Variants in USP54 observed in about 807,000 individuals in gnomAD.
The protein encoded by USP54 is ubiquitin carboxyl-terminal hydrolase 54.
In USP54, 87 loss-of-function variants were observed where a neutral mutation model predicts 170.5. The observed-to-expected ratio is 0.51, with a 90% CI of 0.43 to 0.61. The LOEUF (loss-of-function observed/expected upper bound fraction) is 0.61. Among genes scored for constraint, USP54 ranks in the 20% least tolerant of loss-of-function variants. The pLI is 0.00. For missense variants in USP54, 1,786 were observed against 2,047.8 expected, an observed-to-expected ratio of 0.87 and a Z score of 2.47; for synonymous variants, 655 against 742.8, an observed-to-expected ratio of 0.88 and a Z score of 1.92.
chr10:73,513,486 TAACCTA>T (rs1235045531), intron 20 of USP54: 1 of 151,428 alleles, frequency 6.6e-6, no homozygotes, highest in Non-Finnish European at 1.5e-5. Context: ...AAATTGTAAG[TAACCTA>T]AATATTCAAC....
intron 4 of USP54, among the ~76,000 whole-genome samples, chr10:73,552,232 G>A (rs1386430302): frequency 6.6e-6 from 1 of 152,092 alleles, no homozygotes; most frequent in East Asian, 1.9e-4. Context: ...GACCAATATG[G>A]TGAAATCCCG....
upstream of USP54, among the ~76,000 whole-genome samples, chr10:73,594,861 T>C (rs1357083180): frequency 2.0e-5 from 3 of 151,850 alleles, no homozygotes; most frequent in Non-Finnish European, 4.4e-5. Flanking sequence ...ATGAAGTAGA[T>C]GAAAAACAGG....
At chr10:73,544,698 C>A (rs959206343) in intron 5 of USP54, among the ~76,000 whole-genome samples, 1 of 151,986 alleles carries the variant, frequency 6.6e-6, no homozygotes, top group Admixed American at 6.6e-5. Flanking sequence ...ATGTATCACT[C>A]TCAAATTTTC....
upstream of USP54, chr10:73,591,391 G>C (rs1387891187): frequency 1.3e-5 from 2 of 152,142 alleles, no homozygotes; most frequent in African/African-American, 2.4e-5. Context: ...GGGGAGGGAA[G>C]GCTAGGAGGG....
intron 15 of USP54, among the ~76,000 whole-genome samples, chr10:73,527,755 T>C (rs2063181441): frequency 6.7e-6 from 1 of 149,014 alleles, no homozygotes; most frequent in African/African-American, 2.5e-5. Flanking sequence ...ATCTCAGTAC[T>C]CTGGGAGGCT....
At chr10:73,524,984 A>G (rs2062599871) in intron 16 of USP54, among the ~76,000 whole-genome samples, 1 of 152,208 alleles carries the variant, frequency 6.6e-6, no homozygotes, top group African/African-American at 2.4e-5. Context: ...AATTTGTAAA[A>G]TGTCCACAGC....
chr10:73,618,404 G>A lies in USP54; in HGVS notation c.-18+7163C>T, dbSNP rs1036007408. On this transcript the variant is annotated intron_variant, in intron 1 of 22. Transcript: ENST00000339859. ...AGCCTCCCAAGTAGCCAGGACTATAGGCGCATGCTGCCAGACCCAGCTAAT... is the reference window on the plus strand; with the variant it reads ...AGCCTCCCAAGTAGCCAGGACTATAAGCGCATGCTGCCAGACCCAGCTAAT... 6.0e-5 allele frequency among the ~76,000 whole-genome samples: 9 copies of A among 150,150 alleles called. 1 individual carries two copies. The highest frequency in any genetic ancestry group is 2.0e-4 in the African/African-American group (8 of 39,558).
rs776067684 is a variant in USP54, at chr10:73,504,880, CCTCT to C, written c.4277_4280del (p.Glu1426GlyfsTer16). ...TGTGGGAAGAAACCGGAGCTTCCTC[CCTCT>C]CTGAGACAACGGTGCCACTGAGACT... On this transcript the variant is annotated frameshift_variant, in exon 22 of 24. Transcript: ENST00000687698. LOFTEE classifies it high-confidence loss of function. 2.5e-6 allele frequency: 4 copies of C among 1,614,000 alleles called. No individual in the cohort carries two copies. Among genetic ancestry groups the C allele is most frequent in the Non-Finnish European group, 3.4e-6 (4 of 1,180,034 alleles).
intron 4 of USP54, among the ~76,000 whole-genome samples, chr10:73,558,906 G>A (rs2071982596): frequency 6.6e-6 from 1 of 151,978 alleles, no homozygotes; most frequent in South Asian, 2.1e-4. Flanking sequence ...CATATGTTAT[G>A]CATTTGTGAC....
At position 73,562,448 on chromosome 10, in the gene USP54, C is replaced by T. The variant is rs1436762761; in HGVS notation, c.240+8973G>A. On this transcript the variant is annotated intron_variant, in intron 4 of 23. Coordinates refer to ENST00000687698, the MANE Select transcript of USP54 (RefSeq NM_001391956.1). ...TCCTGAATTTTGTGAAAAGCACTTCCTTTTTCTCTACAGACTTATCACATG... is the reference window on the plus strand; with the variant it reads ...TCCTGAATTTTGTGAAAAGCACTTCTTTTTTCTCTACAGACTTATCACATG... 2.6e-5 allele frequency among the ~76,000 whole-genome samples: 4 copies of T among 152,284 alleles called. No individual in the cohort carries two copies. The East Asian group carries it at 7.7e-4, about 29-fold the overall frequency.
intron 4 of USP54, chr10:73,546,649 C>T (rs1425504666): frequency 1.3e-5 from 2 of 152,128 alleles, no homozygotes; most frequent in Non-Finnish European, 2.9e-5. Flanking sequence ...TAGTATTTTT[C>T]ATGTAAAAAG....
At chr10:73,608,933 G>A (rs2079904802) in intron 1 of USP54, among the ~76,000 whole-genome samples, 1 of 152,082 alleles carries the variant, frequency 6.6e-6, no homozygotes, top group South Asian at 2.1e-4. Context: ...ATATGGAAAG[G>A]CATAGGCCCT....
chr10:73,517,789 G>C (rs754161467), intron 19 of USP54, 42 bp from the exon 20 acceptor site: 1 of 1,556,816 alleles, frequency 6.4e-7, no homozygotes, highest in South Asian at 1.2e-5. Flanking sequence ...TGCCTTGACT[G>C]ACAGGAACAC....
In USP54 at chr10:73,517,627, G is replaced by C; in HGVS notation, c.2799C>G (p.His933Gln). The C allele has an allele frequency of 6.2e-7, 1 of 1,614,222 alleles. No individual in the cohort carries two copies. The highest frequency in any genetic ancestry group is 8.5e-7 in the Non-Finnish European group (1 of 1,180,044). ...CAGATGACTCTGGAGATAGTGATGA[G>C]TGTGACTCATGGCAGGAAGCAGGTG... ...FHSPASCHES[H>Q]SSLSPESSAP... The change falls in exon 20 of 24, where the codon CAC (histidine) becomes CAG (glutamine). Residue 933 changes from histidine (H) to glutamine (Q), a missense_variant. Coordinates refer to ENST00000687698, the MANE Select transcript of USP54 (RefSeq NM_001391956.1).
chr10:73,506,934 T>G (rs1270500081), intron 20 of USP54: 1 of 152,148 alleles, frequency 6.6e-6, no homozygotes, highest in Non-Finnish European at 1.5e-5. Flanking sequence ...TATATGAGAA[T>G]ATTTTCTACT....
chr10:73,516,802 A>G lies in USP54; in HGVS notation c.3624T>C (p.Leu1208=), dbSNP rs2061155604. The change falls in exon 20 of 24, where the codon CTT becomes CTC. Residue 1208 remains leucine (L), a synonymous_variant. Coordinates refer to ENST00000687698, the MANE Select transcript of USP54 (RefSeq NM_001391956.1). The part of the protein sequence containing the change: ...SWEESTEHSS[L]ALNSGLPNGE... ...CATTAGGCAGCCCAGAGTTTAAGGC[A>G]AGAGAAGAATGTTCAGTGGACTCTT... is the stretch of plus-strand genomic sequence containing the variant. The G allele has an allele frequency of 6.2e-7, 1 of 1,614,080 alleles. No individual in the cohort carries two copies. The highest frequency in any genetic ancestry group is 2.2e-5 in the East Asian group (1 of 44,898).
intron 18 of USP54, among the ~76,000 whole-genome samples, chr10:73,520,347 T>C (rs908172346): frequency 1.3e-5 from 2 of 152,222 alleles, no homozygotes; most frequent in Non-Finnish European, 2.9e-5. Context: ...CTCTTCCCAA[T>C]GGCCAACAGC....
In USP54 at chr10:73,543,063, T is replaced by C. The variant is rs374810980; in HGVS notation, c.444A>G (p.Gln148=). 8.1e-6 allele frequency: 13 copies of C among 1,614,050 alleles called. No individual in the cohort carries two copies. Among genetic ancestry groups the C allele is most frequent in the Non-Finnish European group, 1.1e-5 (13 of 1,180,042 alleles). The part of the protein sequence containing the change: ...DETKEDICTA[Q]HCISHQKFAM... Reference sequence around the variant, plus strand: ...CAAATTTCTGATGGGAAATGCAGTGTTGGGCAGTACATATATCCTCTTTGG... The same window carrying C: ...CAAATTTCTGATGGGAAATGCAGTGCTGGGCAGTACATATATCCTCTTTGG... Residue 148 remains glutamine, a synonymous_variant, in exon 6 of 24, where the codon CAA becomes CAG. Transcript: ENST00000687698.
intron 1 of USP54, among the ~76,000 whole-genome samples, chr10:73,578,942 C>CTTTT (rs34362461): frequency 1.5e-5 from 2 of 134,002 alleles, no homozygotes; most frequent in Non-Finnish European, 3.2e-5. Context: ...GCAAAGATTC[C>CTTTT]TTTTTTTTTT....
Sources: gnomAD v4.1 joint callset for allele counts (sites outside exome capture counted in the v4.1 genomes callset) on GRCh38, gnomAD v4.1.1 for gene constraint, MANE v1.5 for transcripts, NCBI Gene and HGNC (gene_info 2026-07-23, HGNC 2026-07-21) for gene names.